The following TLE4 variants were observed in gnomAD, a reference collection of about 807,000 sequenced individuals.
TLE4 encodes TLE family member 4, transcriptional corepressor.
TLE4 carries 8 observed loss-of-function variants against 92.8 expected under a neutral mutation model. The observed-to-expected ratio is 0.09, with a 90% confidence interval of 0.05 to 0.16. TLE4 has a LOEUF of 0.16. Ranked by LOEUF, TLE4 falls within the 10% of genes least tolerant of loss-of-function variation. The pLI is 1.00. For synonymous variants in TLE4, 371 were observed against 374.1 expected (o/e 0.99, Z 0.10); for missense variants, 675 against 997.6 (o/e 0.68, Z 4.36).
chr9:79,700,438 G>A (rs957045534), intron 8 of TLE4, among the ~76,000 whole-genome samples: 1 of 152,138 alleles, frequency 6.6e-6, no homozygotes, highest in Non-Finnish European at 1.5e-5. Flanking sequence ...GTGGAGGGGT[G>A]GGGCCTTCCC....
At chr9:79,723,080 ACTCT>A in intron 19 of TLE4, 45 bp downstream of exon 19, 2 of 1,551,406 alleles carry the variant, frequency 1.3e-6, no homozygotes, top group Non-Finnish European at 1.8e-6. Context: ...GTTTAATCAA[ACTCT>A]CTGTGCATTC....
At chr9:79,635,779 A>G (rs1431331461) in intron 6 of TLE4, among the ~76,000 whole-genome samples, 1 of 152,048 alleles carries the variant, frequency 6.6e-6, no homozygotes, top group Non-Finnish European at 1.5e-5. Context: ...TATAGCTTTC[A>G]TTATTGATGT....
chr9:79,646,249 C>G (rs2058088867), intron 6 of TLE4, among the ~76,000 whole-genome samples: 1 of 152,168 alleles, frequency 6.6e-6, no homozygotes, highest in Admixed American at 6.5e-5. Flanking sequence ...AATATCTTTG[C>G]AGGTTAATTG....
Position 79,616,420 on chromosome 9 carries a change from C to T in TLE4, c.315+3702C>T, listed in dbSNP as rs114883373. Reference sequence around the variant, plus strand: ...TTAGCACACAATAAGCACCTACTGCCGTTGACTAGTGGGATTAACTACAGT... The same window carrying T: ...TTAGCACACAATAAGCACCTACTGCTGTTGACTAGTGGGATTAACTACAGT... On this transcript the variant is annotated intron_variant, in intron 5 of 19. Transcript: ENST00000376552. Among the ~76,000 whole-genome samples the T allele has an allele frequency of 2.5e-3, 381 of 152,224 alleles. 2 individuals are homozygous for T. Among genetic ancestry groups the T allele is most frequent in the African/African-American group, 8.5e-3 (355 of 41,544 alleles).
chr9:79,686,877 A>G (rs2151147), intron 8 of TLE4, among the ~76,000 whole-genome samples: 4,364 of 152,314 alleles, frequency 0.029, 89 homozygotes, highest in Non-Finnish European at 0.045. Flanking sequence ...GTTGTGTTTC[A>G]TCATCAGTGA....
chr9:79,683,820 T>C (rs1381455172), intron 8 of TLE4, among the ~76,000 whole-genome samples: 1 of 152,228 alleles, frequency 6.6e-6, no homozygotes, highest in Non-Finnish European at 1.5e-5. Context: ...TTCTGTTTGC[T>C]CATTAACATG....
chr9:79,672,959 C>G (rs967908065), intron 8 of TLE4, among the ~76,000 whole-genome samples: 2 of 152,104 alleles, frequency 1.3e-5, no homozygotes, highest in African/African-American at 2.4e-5. Context: ...ACTCTCAGCA[C>G]AGGGACTCAA....
At chr9:79,646,886 T>C (rs376093209) in intron 6 of TLE4, among the ~76,000 whole-genome samples, 1 of 152,308 alleles carries the variant, frequency 6.6e-6, no homozygotes, top group East Asian at 1.9e-4. Flanking sequence ...ATTTTGTATA[T>C]GTATAAAACG....
rs112155582 is a variant in TLE4, at chr9:79,581,682, A to T, written c.252+5505A>T. ...GGGTCAGCTCTGCACAAGGTGATAC[A>T]GCTAATAGTTGGTGGATTCAGGACT... On this transcript the variant is annotated intron_variant, in intron 4 of 19. Coordinates refer to ENST00000376552, the MANE Select transcript of TLE4 (RefSeq NM_007005.6). Among the ~76,000 whole-genome samples, 473 of 152,326 alleles carry T rather than the reference A, an allele frequency of 3.1e-3. 4 individuals are homozygous for T. The highest frequency in any genetic ancestry group is 9.6e-3 in the African/African-American group (400 of 41,584).
At chr9:79,677,872 T>A (rs113769686) in intron 8 of TLE4, among the ~76,000 whole-genome samples, 103 of 152,200 alleles carry the variant, frequency 6.8e-4, no homozygotes, top group African/African-American at 2.4e-3. Context: ...TTCTACACAT[T>A]TATCAAACTA....
At chr9:79,593,309 C>T (rs1028588172) in intron 4 of TLE4, among the ~76,000 whole-genome samples, 3 of 151,998 alleles carry the variant, frequency 2.0e-5, no homozygotes, top group African/African-American at 4.8e-5. Flanking sequence ...CAAGTCTGAC[C>T]GCAGCTTTTA....
At chr9:79,586,493 C>T (rs561908778) in intron 4 of TLE4, among the ~76,000 whole-genome samples, 5 of 152,068 alleles carry the variant, frequency 3.3e-5, no homozygotes, top group East Asian at 1.9e-4. Flanking sequence ...TAATTAGCTC[C>T]GGGGGTTACT....
intron 4 of TLE4, among the ~76,000 whole-genome samples, chr9:79,578,557 G>A (rs903922170): frequency 1.3e-5 from 2 of 151,976 alleles, no homozygotes; most frequent in Non-Finnish European, 2.9e-5. Context: ...GGTGGAGGTC[G>A]GTGTTCTCCC....
At chr9:79,638,042 A>T (rs2056340967) in intron 6 of TLE4, among the ~76,000 whole-genome samples, 2 of 152,100 alleles carry the variant, frequency 1.3e-5, no homozygotes, top group African/African-American at 2.4e-5. Context: ...CAGCGTGGGG[A>T]CACATTCTAG....
At chr9:79,657,951 C>T (rs1468982058) in intron 8 of TLE4, among the ~76,000 whole-genome samples, 1 of 152,216 alleles carries the variant, frequency 6.6e-6, no homozygotes, top group Non-Finnish European at 1.5e-5. Flanking sequence ...GTGCAATAGC[C>T]TTCTCAAGTC....
chr9:79,630,852 A>C (rs1466282985), intron 6 of TLE4, among the ~76,000 whole-genome samples: 1 of 152,214 alleles, frequency 6.6e-6, no homozygotes, highest in Admixed American at 6.5e-5. Context: ...TCACCAAAGA[A>C]ACTACCATTA....
intron 1 of TLE4, chr9:79,573,296 C>A: frequency 9.7e-7 from 1 of 1,034,664 alleles, no homozygotes; most frequent in Non-Finnish European, 1.2e-6. Flanking sequence ...TGGCGGCCGC[C>A]TCCCTCCTCC....
At chr9:79,655,555 T>C (rs2059660158) in intron 8 of TLE4, among the ~76,000 whole-genome samples, 1 of 152,206 alleles carries the variant, frequency 6.6e-6, no homozygotes, top group African/African-American at 2.4e-5. Flanking sequence ...CATGTAAATG[T>C]CAACATTTAC....
chr9:79,612,731 A>C lies in TLE4; in HGVS notation c.315+13A>C, dbSNP rs534814431. 6.2e-7 allele frequency: 1 copy of C among 1,612,342 alleles called. No homozygotes were observed. Among genetic ancestry groups the C allele is most frequent in the East Asian group, 2.2e-5 (1 of 44,842 alleles). On this transcript the variant is annotated intron_variant, in intron 5 of 19. Coordinates refer to ENST00000376552, the MANE Select transcript of TLE4 (RefSeq NM_007005.6). Reference sequence around the variant, plus strand: ...CCTGTCCCAAGAGGTAAGGTAGTTGATTTTAGGCACTGGACTAGAAGTTGC... The same window carrying C: ...CCTGTCCCAAGAGGTAAGGTAGTTGCTTTTAGGCACTGGACTAGAAGTTGC...
Sources: allele counts gnomAD v4.1 joint callset (sites outside exome capture counted in the v4.1 genomes callset), GRCh38; gene constraint gnomAD v4.1.1; transcripts MANE v1.5; gene names NCBI Gene and HGNC (gene_info 2026-07-23, HGNC 2026-07-21).